NKAIN2: variants seen among roughly 807,000 people sequenced by gnomAD.
The protein encoded by NKAIN2 is sodium/potassium-transporting ATPase subunit beta-1-interacting protein 2.
A neutral mutation model predicts 32.6 loss-of-function variants in NKAIN2; 14 were observed. The observed-to-expected ratio is 0.43, with a 90% confidence interval of 0.28 to 0.67. NKAIN2 has a LOEUF of 0.67. Ranked by LOEUF, NKAIN2 falls within the 30% of genes least tolerant of loss-of-function variation. The pLI is 0.17. For synonymous variants in NKAIN2, 80 were observed against 87.2 expected (o/e 0.92, Z 0.46); for missense variants, 198 against 258.3 (o/e 0.77, Z 1.60).
intron 5 of NKAIN2, among the ~76,000 whole-genome samples, chr6:124,794,089 T>C (rs1249347125): frequency 6.6e-6 from 1 of 152,198 alleles, no homozygotes; most frequent in East Asian, 1.9e-4. Flanking sequence ...CTGTGACTAT[T>C]AATGCATAGG....
intron 2 of NKAIN2, among the ~76,000 whole-genome samples, chr6:124,307,435 G>C (rs1796552046): frequency 6.6e-6 from 1 of 152,162 alleles, no homozygotes; most frequent in African/African-American, 2.4e-5. Context: ...TGGTAGGTAG[G>C]TGAATGGGAT....
intron 1 of NKAIN2, among the ~76,000 whole-genome samples, chr6:123,892,851 A>G (rs1036185221): frequency 7.3e-5 from 11 of 151,652 alleles, no homozygotes; most frequent in Non-Finnish European, 1.5e-4. Flanking sequence ...CACTGTCCTA[A>G]GGGTGAAGGT....
chr6:124,177,502 A>T (rs1277149055), intron 1 of NKAIN2, among the ~76,000 whole-genome samples: 1 of 152,202 alleles, frequency 6.6e-6, no homozygotes, highest in Non-Finnish European at 1.5e-5. Context: ...TCAGTCTATT[A>T]CCAGTCCATA....
chr6:124,545,027 G>A (rs1272315353), intron 3 of NKAIN2, among the ~76,000 whole-genome samples: 4 of 152,062 alleles, frequency 2.6e-5, no homozygotes, highest in Admixed American at 1.3e-4. Context: ...TTCTCTGGGC[G>A]ATGCCTTAAA....
intron 1 of NKAIN2, among the ~76,000 whole-genome samples, chr6:123,961,289 T>G (rs1562279555): frequency 6.6e-6 from 1 of 152,194 alleles, no homozygotes; most frequent in Non-Finnish European, 1.5e-5. Context: ...AAGCCTTTCT[T>G]GCTGTATACT....
chr6:124,803,545 T>A (rs1780361515), intron 5 of NKAIN2, among the ~76,000 whole-genome samples: 1 of 152,186 alleles, frequency 6.6e-6, no homozygotes, highest in African/African-American at 2.4e-5. Flanking sequence ...GGAAATTCAG[T>A]TCTATGTAAT....
intron 4 of NKAIN2, among the ~76,000 whole-genome samples, chr6:124,762,563 T>G (rs1778320497): frequency 6.6e-6 from 1 of 152,136 alleles, no homozygotes; most frequent in Non-Finnish European, 1.5e-5. Flanking sequence ...CTCTAAAGAT[T>G]AGGTTACAAT....
intron 4 of NKAIN2, among the ~76,000 whole-genome samples, chr6:124,695,272 T>G (rs1774446161): frequency 6.6e-6 from 1 of 152,182 alleles, no homozygotes; most frequent in Admixed American, 6.5e-5. Flanking sequence ...CCTCTGCTTC[T>G]GAAAATACTT....
At chr6:124,810,802 T>G (rs1780867378) in intron 5 of NKAIN2, among the ~76,000 whole-genome samples, 1 of 152,070 alleles carries the variant, frequency 6.6e-6, no homozygotes, top group African/African-American at 2.4e-5. Flanking sequence ...TCTCATTTCA[T>G]TCCATGTATG....
At chr6:124,741,736 T>G (rs568974884) in intron 4 of NKAIN2, among the ~76,000 whole-genome samples, 24 of 151,910 alleles carry the variant, frequency 1.6e-4, no homozygotes, top group Admixed American at 1.6e-3. Flanking sequence ...ATAATTGACT[T>G]CAGTAATCCA....
chr6:124,313,545 A>G (rs932501395), intron 2 of NKAIN2, among the ~76,000 whole-genome samples: 4 of 152,048 alleles, frequency 2.6e-5, no homozygotes, highest in Non-Finnish European at 5.9e-5. Context: ...CTGCTTTTCT[A>G]TGCTTTCACT....
At chr6:124,253,264 T>C (rs1266785534) in intron 1 of NKAIN2, among the ~76,000 whole-genome samples, 2 of 152,216 alleles carry the variant, frequency 1.3e-5, no homozygotes, top group African/African-American at 2.4e-5. Flanking sequence ...ATTTAAAATA[T>C]ATCTTTTATC....
chr6:124,766,877 C>G lies in NKAIN2; in HGVS notation c.475-24462C>G, dbSNP rs1778536322. Among the ~76,000 whole-genome samples, 4 of 151,946 alleles carry G rather than the reference C, an allele frequency of 2.6e-5. No homozygotes were observed. In the South Asian group the frequency reaches 8.3e-4, roughly 32 times the overall value. ...TTGAGAGATCTGTGAGTATTTTCCT[C>G]CTTTGAGCTGTCTTGTTTTTTGTTT... On this transcript the variant is annotated intron_variant, in intron 4 of 6. Coordinates refer to ENST00000368417, the MANE Select transcript of NKAIN2 (RefSeq NM_001040214.3).
chr6:124,005,251 C>T (rs902685937), intron 1 of NKAIN2, among the ~76,000 whole-genome samples: 6 of 151,924 alleles, frequency 3.9e-5, no homozygotes, highest in Non-Finnish European at 8.8e-5. Context: ...CGAAACAAAA[C>T]AGAAAGGAAA....
chr6:124,565,079 G>A (rs1239913879), intron 3 of NKAIN2, among the ~76,000 whole-genome samples: 2 of 152,100 alleles, frequency 1.3e-5, no homozygotes, highest in Non-Finnish European at 2.9e-5. Context: ...GATTTGTCTG[G>A]GATTGGGGAG....
At chr6:124,082,457 A>G (rs1784019398) in intron 1 of NKAIN2, among the ~76,000 whole-genome samples, 1 of 152,034 alleles carries the variant, frequency 6.6e-6, no homozygotes, top group Non-Finnish European at 1.5e-5. Flanking sequence ...ATGTACTTCA[A>G]TACTATTTAA....
At chr6:124,430,910 T>A (rs561674361) in intron 3 of NKAIN2, among the ~76,000 whole-genome samples, 1 of 152,250 alleles carries the variant, frequency 6.6e-6, no homozygotes, top group South Asian at 2.1e-4. Context: ...CCTTACAAGC[T>A]TTCAGTTACT....
At chr6:124,738,992 G>A (rs1430057751) in intron 4 of NKAIN2, among the ~76,000 whole-genome samples, 1 of 151,766 alleles carries the variant, frequency 6.6e-6, no homozygotes, top group Non-Finnish European at 1.5e-5. Context: ...TGCTATAAGT[G>A]TGTTTAATAT....
chr6:124,345,802 T>A (rs1383072631), intron 2 of NKAIN2, among the ~76,000 whole-genome samples: 2 of 152,114 alleles, frequency 1.3e-5, no homozygotes, highest in Non-Finnish European at 2.9e-5. Context: ...GATTCATTAA[T>A]TTTTTGAAGG....
Sources: gnomAD v4.1 joint callset for allele counts (sites outside exome capture counted in the v4.1 genomes callset) on GRCh38, gnomAD v4.1.1 for gene constraint, MANE v1.5 for transcripts, NCBI Gene and HGNC (gene_info 2026-07-23, HGNC 2026-07-21) for gene names.